SEM1: variants seen among roughly 807,000 people sequenced by gnomAD.
SEM1 encodes SEM1 26S proteasome subunit, also known as 26S proteasome complex subunit SEM1.
In SEM1, 3 loss-of-function variants were observed where a neutral mutation model predicts 12.7. The ratio of observed to expected loss-of-function variants is 0.24; its 90% CI spans 0.11 to 0.61. The LOEUF (loss-of-function observed/expected upper bound fraction) is 0.61. Ranked by LOEUF, SEM1 falls within the 20% of genes least tolerant of loss-of-function variation. The pLI, the probability that SEM1 is intolerant of heterozygous loss-of-function variation, is 0.88. For synonymous variants in SEM1, 30 were observed against 27.8 expected (o/e 1.08, Z -0.25); for missense variants, 59 against 81.3 (o/e 0.73, Z 1.06).
At chr7:96,632,061 C>T (rs1305229284) in intron 2 of SEM1, among the ~76,000 whole-genome samples, 1 of 152,132 alleles carries the variant, frequency 6.6e-6, no homozygotes, top group Non-Finnish European at 1.5e-5. Context: ...ACAACAGATG[C>T]TGGAGGGGAT....
chr7:96,512,356 A>G lies in SEM1; in HGVS notation c.171-5658T>C, dbSNP rs544262077. ...TGACTTATGGTATGATCCATCTGAGATTTATAACAATTTTTAAAATTAGAT... is the reference window on the plus strand; with the variant it reads ...TGACTTATGGTATGATCCATCTGAGGTTTATAACAATTTTTAAAATTAGAT... On this transcript the variant is annotated intron_variant and NMD_transcript_variant, in intron 2 of 3. Coordinates refer to the SEM1 transcript ENST00000466986. 2.6e-5 allele frequency among the ~76,000 whole-genome samples: 4 copies of G among 152,202 alleles called. No homozygotes were observed. In the East Asian group the frequency reaches 7.7e-4, roughly 29 times the overall value.
chr7:96,709,642 C>A (rs773323620), intron 1 of SEM1, 46 bp downstream of exon 1: 5 of 1,586,302 alleles, frequency 3.2e-6, no homozygotes, highest in Non-Finnish European at 4.3e-6. Context: ...ACACGGAGGC[C>A]TGAGTCACCG....
intron 2 of SEM1, among the ~76,000 whole-genome samples, chr7:96,572,589 G>A (rs956338169): frequency 2.6e-5 from 4 of 151,866 alleles, no homozygotes; most frequent in African/African-American, 7.3e-5. Flanking sequence ...GTAGTTGTGC[G>A]GTTTTGAGTG....
intron 2 of SEM1, among the ~76,000 whole-genome samples, chr7:96,598,760 T>C (rs1347847490): frequency 6.6e-6 from 1 of 152,170 alleles, no homozygotes; most frequent in Non-Finnish European, 1.5e-5. Context: ...TGAGTTTATA[T>C]GCTCACTTTG....
intron 2 of SEM1, among the ~76,000 whole-genome samples, chr7:96,516,998 A>G (rs1240265582): frequency 6.6e-6 from 1 of 152,172 alleles, no homozygotes; most frequent in Non-Finnish European, 1.5e-5. Flanking sequence ...TATGATTCCA[A>G]CTATATATGA....
upstream of SEM1, among the ~76,000 whole-genome samples, chr7:96,498,387 G>C (rs1297936448): frequency 1.3e-5 from 2 of 152,156 alleles, no homozygotes; most frequent in Non-Finnish European, 2.9e-5. Flanking sequence ...CTGTGTAAGT[G>C]TGCACACACA....
At chr7:96,556,500 A>G (rs1188974947) in intron 2 of SEM1, among the ~76,000 whole-genome samples, 1 of 152,086 alleles carries the variant, frequency 6.6e-6, no homozygotes, top group Non-Finnish European at 1.5e-5. Context: ...CTTTTCTTTA[A>G]GAATGTTGAA....
At chr7:96,484,225 T>G (rs1469486278) in intron 3 of SEM1, among the ~76,000 whole-genome samples, 3 of 152,200 alleles carry the variant, frequency 2.0e-5, no homozygotes, top group Non-Finnish European at 1.5e-5. Flanking sequence ...CCCTACAGAG[T>G]GTACTCATGT....
chr7:96,616,118 T>A (rs1162249289), intron 2 of SEM1, among the ~76,000 whole-genome samples: 2 of 152,208 alleles, frequency 1.3e-5, no homozygotes, highest in African/African-American at 4.8e-5. Context: ...GAAACCTCCA[T>A]ACTATTTTCC....
intron 3 of SEM1, among the ~76,000 whole-genome samples, chr7:96,502,961 T>G (rs1489705344): frequency 6.6e-6 from 1 of 152,208 alleles, no homozygotes; most frequent in Admixed American, 6.5e-5. Flanking sequence ...GGTCTCTCCC[T>G]TTATCAGGCC....
intron 2 of SEM1, among the ~76,000 whole-genome samples, chr7:96,520,974 A>G (rs531468354): frequency 6.6e-6 from 1 of 152,192 alleles, no homozygotes; most frequent in Admixed American, 6.5e-5. Context: ...CTTCCCATGC[A>G]ATGCCGAAGC....
In SEM1 at chr7:96,563,539, A is replaced by C. The variant is rs1303785302; in HGVS notation, c.171-56841T>G. On this transcript the variant is annotated intron_variant and NMD_transcript_variant, in intron 2 of 3. Coordinates refer to the SEM1 transcript ENST00000466986. ...TACAGAAGTACATGGGAATACAAAAAAATTTGGAATTTATCAGGGTCGATG... is the reference window on the plus strand; with the variant it reads ...TACAGAAGTACATGGGAATACAAAACAATTTGGAATTTATCAGGGTCGATG... Among the ~76,000 whole-genome samples, 3 of 152,200 alleles carry C rather than the reference A, an allele frequency of 2.0e-5. No individual in the cohort carries two copies. In the South Asian group the frequency reaches 6.2e-4, roughly 32 times the overall value.
At chr7:96,527,886 G>GTTT (rs1804517552) in intron 2 of SEM1, among the ~76,000 whole-genome samples, 8 of 152,002 alleles carry the variant, frequency 5.3e-5, no homozygotes, top group Admixed American at 5.2e-4. Flanking sequence ...TTTTGTTGTT[G>GTTT]TTGTTACTCT....
chr7:96,684,474 C>T (rs73394830), downstream of SEM1, among the ~76,000 whole-genome samples: 3,339 of 142,016 alleles, frequency 0.024, 102 homozygotes, highest in African/African-American at 0.083. Context: ...GTTTGGGGGG[C>T]GGGGGAGGCA....
chr7:96,567,833 G>T (rs566105301), intron 2 of SEM1, among the ~76,000 whole-genome samples: 13 of 151,190 alleles, frequency 8.6e-5, no homozygotes, highest in South Asian at 2.1e-4. Context: ...TCTTGGTTAT[G>T]ATGTATTCTT....
intron 2 of SEM1, among the ~76,000 whole-genome samples, chr7:96,540,060 C>A (rs985904096): frequency 6.7e-6 from 1 of 150,332 alleles, no homozygotes; most frequent in Non-Finnish European, 1.5e-5. Context: ...GATAAATTTA[C>A]AACTTATATA....
downstream of SEM1, among the ~76,000 whole-genome samples, chr7:96,619,047 T>G (rs866390292): frequency 1.3e-5 from 2 of 152,248 alleles, no homozygotes; most frequent in Non-Finnish European, 2.9e-5. Context: ...CTTTTTCATC[T>G]AATTAAGCTT....
At chr7:96,646,489 T>C (rs1254544732) in intron 2 of SEM1, among the ~76,000 whole-genome samples, 4 of 152,198 alleles carry the variant, frequency 2.6e-5, no homozygotes, top group Non-Finnish European at 5.9e-5. Flanking sequence ...AGTTATCCTA[T>C]ATATTGTCTT....
intron 2 of SEM1, among the ~76,000 whole-genome samples, chr7:96,581,473 T>G (rs1479458397): frequency 6.6e-6 from 1 of 151,920 alleles, no homozygotes; most frequent in African/African-American, 2.4e-5. Flanking sequence ...TGGTTCCATA[T>G]GAACTTTAAA....
Sources: allele counts gnomAD v4.1 joint callset (sites outside exome capture counted in the v4.1 genomes callset), GRCh38; gene constraint gnomAD v4.1.1; transcripts MANE v1.5; gene names NCBI Gene and HGNC (gene_info 2026-07-23, HGNC 2026-07-21).